ANK3: variants seen among roughly 807,000 people sequenced by gnomAD.
The protein encoded by ANK3 is ankyrin-3.
ANK3 carries 57 observed loss-of-function variants against 370.9 expected under a neutral mutation model. The observed-to-expected ratio is 0.15, with a 90% CI of 0.12 to 0.19. The LOEUF is 0.19. Among genes scored for constraint, ANK3 ranks in the 10% least tolerant of loss-of-function variants. The probability of loss-of-function intolerance (pLI) is 1.00; values close to 1 mark genes in which losing one functional copy is unlikely to be tolerated. For missense variants in ANK3, 4,439 were observed against 5,302.1 expected, an observed-to-expected ratio of 0.84 and a Z score of 5.06; for synonymous variants, 1,929 against 1,946.3, an observed-to-expected ratio of 0.99 and a Z score of 0.23.
intron 2 of ANK3, among the ~76,000 whole-genome samples, chr10:60,574,140 T>A (rs1311615875): frequency 6.6e-6 from 1 of 152,150 alleles, no homozygotes; most frequent in Non-Finnish European, 1.5e-5. Context: ...CCCCATTTTT[T>A]ACCTAGCATA....
intron 40 of ANK3, chr10:60,059,944 G>C: frequency 6.2e-7 from 1 of 1,613,948 alleles, no homozygotes. Flanking sequence ...TGCTGGAAAG[G>C]GGTAGGTGGT....
intron 1 of ANK3, among the ~76,000 whole-genome samples, chr10:60,629,586 C>T (rs1190827004): frequency 6.6e-6 from 1 of 152,030 alleles, no homozygotes; most frequent in East Asian, 1.9e-4. Context: ...AATGAAAACC[C>T]ATAGCAACAG....
At chr10:60,257,797 G>T (rs2097759300) in intron 7 of ANK3, among the ~76,000 whole-genome samples, 2 of 152,084 alleles carry the variant, frequency 1.3e-5, no homozygotes, top group South Asian at 4.1e-4. Context: ...AACAAATGAG[G>T]TATAGAATCC....
chr10:60,646,801 G>A (rs943731455), intron 1 of ANK3, among the ~76,000 whole-genome samples: 2 of 152,146 alleles, frequency 1.3e-5, no homozygotes, highest in South Asian at 2.1e-4. Context: ...TATAAGCCAA[G>A]AGACCCCAGT....
intron 43 of ANK3, among the ~76,000 whole-genome samples, chr10:60,036,967 C>T (rs1185837957): frequency 6.6e-6 from 1 of 152,152 alleles, no homozygotes; most frequent in Non-Finnish European, 1.5e-5. Flanking sequence ...CATTTCAAAC[C>T]CAAGTCCAAG....
intron 2 of ANK3, among the ~76,000 whole-genome samples, chr10:60,427,721 G>A (rs1021178494): frequency 6.6e-6 from 1 of 152,084 alleles, no homozygotes; most frequent in Non-Finnish European, 1.5e-5. Flanking sequence ...TGAAAATATA[G>A]GTGGGTTATT....
chr10:60,387,360 T>C (rs1161313108), intron 1 of ANK3, among the ~76,000 whole-genome samples: 2 of 152,190 alleles, frequency 1.3e-5, no homozygotes, highest in Non-Finnish European at 2.9e-5. Flanking sequence ...ATTCACTTTA[T>C]AGAGGAATGA....
chr10:60,046,956 G>A (rs1341540108), intron 42 of ANK3, among the ~76,000 whole-genome samples: 2 of 151,868 alleles, frequency 1.3e-5, no homozygotes, highest in Admixed American at 6.6e-5. Context: ...ACAGGCGCCC[G>A]CCACCATGCC....
intron 1 of ANK3, among the ~76,000 whole-genome samples, chr10:60,368,462 GC>G (rs1365223565): frequency 2.0e-5 from 3 of 152,154 alleles, no homozygotes; most frequent in African/African-American, 7.2e-5. Context: ...GAGCTGTTTG[GC>G]TTTATTCATG....
At chr10:60,356,917 C>A (rs1208230674) in intron 1 of ANK3, among the ~76,000 whole-genome samples, 3 of 152,168 alleles carry the variant, frequency 2.0e-5, no homozygotes, top group African/African-American at 7.2e-5. Context: ...CCATGTTGGC[C>A]AGGCTGGTCT....
intron 1 of ANK3, among the ~76,000 whole-genome samples, chr10:60,361,847 T>C (rs1261154525): frequency 6.6e-6 from 1 of 152,336 alleles, no homozygotes; most frequent in African/African-American, 2.4e-5. Context: ...TCAGACTTTT[T>C]TTTTCATTAA....
At chr10:60,611,398 C>T (rs1008622464) in intron 2 of ANK3, among the ~76,000 whole-genome samples, 4 of 152,168 alleles carry the variant, frequency 2.6e-5, no homozygotes, top group Non-Finnish European at 4.4e-5. Flanking sequence ...TAACAGAAGG[C>T]AGTCTCCCCA....
upstream of ANK3, among the ~76,000 whole-genome samples, chr10:60,390,994 CAA>C (rs1452375427): frequency 1.3e-5 from 2 of 152,162 alleles, no homozygotes; most frequent in Non-Finnish European, 2.9e-5. Flanking sequence ...GTCTGCTTCA[CAA>C]AGAGTGCCAA....
chr10:60,347,170 T>C (rs1234865470), intron 1 of ANK3, among the ~76,000 whole-genome samples: 2 of 151,170 alleles, frequency 1.3e-5, no homozygotes, highest in Non-Finnish European at 2.9e-5. Flanking sequence ...AATGTCATGG[T>C]CTTCAAATAT....
intron 11 of ANK3, 106 bp from the exon 12 acceptor site, chr10:60,203,206 G>A: frequency 1.4e-6 from 1 of 696,642 alleles, no homozygotes; most frequent in Non-Finnish European, 2.5e-6. Flanking sequence ...TCAGTTTAAT[G>A]ATCGGATTAG....
intron 12 of ANK3, among the ~76,000 whole-genome samples, chr10:60,202,217 G>A (rs900958965): frequency 2.0e-5 from 3 of 151,810 alleles, no homozygotes; most frequent in African/African-American, 7.3e-5. Flanking sequence ...CGCCTCCCAG[G>A]TTCAGGCAAT....
At chr10:60,510,681 A>G (rs1461164243) in intron 2 of ANK3, among the ~76,000 whole-genome samples, 1 of 152,002 alleles carries the variant, frequency 6.6e-6, no homozygotes, top group South Asian at 2.1e-4. Context: ...TCAGCCAGCC[A>G]TGGTGGCAGA....
intron 1 of ANK3, among the ~76,000 whole-genome samples, chr10:60,289,280 T>C (rs1488280001): frequency 6.8e-6 from 1 of 146,724 alleles, no homozygotes; most frequent in African/African-American, 2.5e-5. Flanking sequence ...TTTTTTTTTT[T>C]TTAAAGAGAT....
intron 17 of ANK3, 59 bp downstream of exon 17, chr10:60,186,656 C>G: frequency 1.3e-6 from 2 of 1,538,166 alleles, no homozygotes; most frequent in Non-Finnish European, 8.9e-7. Context: ...TCTTAGTGAC[C>G]TTTCTGAGGG....
Sources: allele counts gnomAD v4.1 joint callset (sites outside exome capture counted in the v4.1 genomes callset), GRCh38; gene constraint gnomAD v4.1.1; transcripts MANE v1.5; gene names NCBI Gene and HGNC (gene_info 2026-07-23, HGNC 2026-07-21).